Variants in RIMS2 observed in about 807,000 individuals in gnomAD.
RIMS2 encodes the protein regulating synaptic membrane exocytosis 2.
Under a neutral mutation model 174.4 loss-of-function variants are expected in RIMS2, and 59 were observed. That is an observed-to-expected ratio of 0.34 (90% confidence interval 0.27 to 0.42). The LOEUF is 0.42. Ranked by LOEUF, RIMS2 falls within the 10% of genes least tolerant of loss-of-function variation. RIMS2 has a pLI of 1.00. For missense variants in RIMS2, 1,620 were observed against 1,666.3 expected (o/e 0.97, Z 0.48); for synonymous variants, 606 against 572.5 (o/e 1.06, Z -0.84).
At chr8:103,564,121 C>T (rs2132079404) in intron 1 of RIMS2, among the ~76,000 whole-genome samples, 1 of 152,310 alleles carries the variant, frequency 6.6e-6, no homozygotes, top group Non-Finnish European at 1.5e-5. Context: ...GGTCTTAATT[C>T]TCCTGCACAG....
chr8:103,900,336 G>T (rs1256904984), intron 4 of RIMS2, among the ~76,000 whole-genome samples: 1 of 151,592 alleles, frequency 6.6e-6, no homozygotes, highest in Non-Finnish European at 1.5e-5. Context: ...CGATTCTCCT[G>T]CCTCAGCCTC....
intron 4 of RIMS2, among the ~76,000 whole-genome samples, chr8:103,888,151 A>T (rs1270075060): frequency 1.3e-5 from 2 of 151,514 alleles, no homozygotes; most frequent in Non-Finnish European, 3.0e-5. Flanking sequence ...CTAATATAAT[A>T]TATTAAAACT....
intron 1 of RIMS2, among the ~76,000 whole-genome samples, chr8:103,693,757 T>G (rs960625450): frequency 6.6e-6 from 1 of 152,156 alleles, no homozygotes; most frequent in Non-Finnish European, 1.5e-5. Flanking sequence ...GTTGGGTTAG[T>G]CTTTGATCCT....
At chr8:103,554,462 A>G (rs975700515) in intron 1 of RIMS2, among the ~76,000 whole-genome samples, 1 of 152,180 alleles carries the variant, frequency 6.6e-6, no homozygotes, top group African/African-American at 2.4e-5. Flanking sequence ...CCATTAGAGA[A>G]ATGCAAATCA....
chr8:104,124,049 T>C (rs2098407986), intron 19 of RIMS2, among the ~76,000 whole-genome samples: 1 of 152,196 alleles, frequency 6.6e-6, no homozygotes, highest in South Asian at 2.1e-4. Context: ...AACATCTTGG[T>C]ATTTTTTAAT....
At chr8:103,851,888 TGTATGG>T (rs1320589552) in intron 3 of RIMS2, among the ~76,000 whole-genome samples, 1 of 151,898 alleles carries the variant, frequency 6.6e-6, no homozygotes, top group Non-Finnish European at 1.5e-5. Flanking sequence ...AATCATTAAT[TGTATGG>T]TTCAGCCCTG....
chr8:103,603,968 A>G, intron 1 of RIMS2, among the ~76,000 whole-genome samples: 1 of 147,416 alleles, frequency 6.8e-6, no homozygotes, highest in African/African-American at 2.5e-5. Context: ...CTCTGATGGT[A>G]GTTTCTTTTG....
intron 14 of RIMS2, 100 bp from the exon 17 acceptor site, chr8:103,960,965 T>C: frequency 2.7e-6 from 2 of 734,036 alleles, no homozygotes; most frequent in Admixed American, 4.4e-5. Flanking sequence ...TGTTATTAAC[T>C]GATTCACTCA....
At chr8:103,663,356 G>C (rs942478740) in intron 1 of RIMS2, among the ~76,000 whole-genome samples, 16 of 152,196 alleles carry the variant, frequency 1.1e-4, no homozygotes, top group Admixed American at 5.2e-4. Context: ...GTCTCTGTTT[G>C]CGGATGACAT....
At chr8:104,219,776 T>C (rs899479888) in intron 19 of RIMS2, among the ~76,000 whole-genome samples, 1 of 152,178 alleles carries the variant, frequency 6.6e-6, no homozygotes, top group Non-Finnish European at 1.5e-5. Context: ...TTACACTTAG[T>C]TTTATGTAAT....
chr8:103,520,335 T>A (rs1563620637), intron 1 of RIMS2, among the ~76,000 whole-genome samples: 1 of 152,134 alleles, frequency 6.6e-6, no homozygotes, highest in Non-Finnish European at 1.5e-5. Flanking sequence ...TTACATGAAG[T>A]CTTGAGGGTT....
chr8:104,162,241 AGTT>A (rs1366148032), intron 19 of RIMS2, among the ~76,000 whole-genome samples: 2 of 152,328 alleles, frequency 1.3e-5, no homozygotes, highest in Non-Finnish European at 2.9e-5. Context: ...ATATTTTTGA[AGTT>A]ATTATATGCA....
At chr8:103,918,744 C>A in intron 9 of RIMS2, 1 of 362,588 alleles carries the variant, frequency 2.8e-6, no homozygotes, top group Non-Finnish European at 5.1e-6. Flanking sequence ...CTACAATAAA[C>A]TGCATATACT....
chr8:103,582,987 C>T (rs892779103), intron 1 of RIMS2, among the ~76,000 whole-genome samples: 2 of 152,190 alleles, frequency 1.3e-5, no homozygotes, highest in African/African-American at 2.4e-5. Flanking sequence ...GGGCAAGCCC[C>T]AGTGCTGTGC....
At chr8:103,789,226 G>A (rs1052375142) in intron 3 of RIMS2, among the ~76,000 whole-genome samples, 26 of 152,104 alleles carry the variant, frequency 1.7e-4, no homozygotes, top group Admixed American at 8.5e-4. Flanking sequence ...AGAAATCACC[G>A]TCTTTTGTGT....
intron 3 of RIMS2, among the ~76,000 whole-genome samples, chr8:103,786,831 A>T (rs2098448283): frequency 6.6e-6 from 1 of 151,902 alleles, no homozygotes; most frequent in Non-Finnish European, 1.5e-5. Flanking sequence ...ATCCTTTTTG[A>T]CTTTCTGTTT....
intron 19 of RIMS2, among the ~76,000 whole-genome samples, chr8:104,056,906 TA>T (rs975087613): frequency 9.9e-5 from 15 of 152,128 alleles, no homozygotes; most frequent in Admixed American, 5.2e-4. Flanking sequence ...AAAAAGTTTT[TA>T]TTTAATCCTA....
chr8:104,160,452 A>G (rs1007707157), intron 19 of RIMS2, among the ~76,000 whole-genome samples: 1 of 152,182 alleles, frequency 6.6e-6, no homozygotes, highest in Non-Finnish European at 1.5e-5. Flanking sequence ...GATCATATGG[A>G]TATATGTCAA....
intron 1 of RIMS2, among the ~76,000 whole-genome samples, chr8:103,567,497 G>T (rs899279096): frequency 6.6e-6 from 1 of 152,172 alleles, no homozygotes; most frequent in Non-Finnish European, 1.5e-5. Context: ...AACATGTATA[G>T]TACTTTTTGT....
Sources: gnomAD v4.1 joint callset for allele counts (sites outside exome capture counted in the v4.1 genomes callset) on GRCh38, gnomAD v4.1.1 for gene constraint, MANE v1.5 for transcripts, NCBI Gene and HGNC (gene_info 2026-07-23, HGNC 2026-07-21) for gene names.